The following MSH5 variants were observed in gnomAD, a reference collection of about 807,000 sequenced individuals.
MSH5 encodes the protein mutS homolog 5.
In MSH5, 78 loss-of-function variants were observed where a neutral mutation model predicts 107.7. The ratio of observed to expected loss-of-function variants is 0.72; its 90% CI spans 0.60 to 0.87. The LOEUF (loss-of-function observed/expected upper bound fraction) is 0.87. Among genes scored for constraint, MSH5 ranks in the 40% least tolerant of loss-of-function variants. The pLI is 0.00. For synonymous variants in MSH5, 326 were observed against 399.5 expected (o/e 0.82, Z 2.19); for missense variants, 889 against 1,046.6 (o/e 0.85, Z 2.08).
chr6:31,750,999 A>T lies in MSH5; in HGVS notation c.813-2302A>T, dbSNP rs28399969. Among the ~76,000 whole-genome samples, 1,347 of 152,108 alleles carry T rather than the reference A, an allele frequency of 8.9e-3. 12 individuals carry two copies. Among genetic ancestry groups the T allele is most frequent in the Non-Finnish European group, 0.012 (846 of 67,978 alleles). Reference sequence around the variant, plus strand: ...GACATTTATTTCTGTATATGAATTTATTTTATTTATTTATTTATTTTTTGA... The same window carrying T: ...GACATTTATTTCTGTATATGAATTTTTTTTATTTATTTATTTATTTTTTGA... On this transcript the variant is annotated intron_variant, in intron 10 of 24. Transcript: ENST00000375750.
In MSH5 at chr6:31,742,947, G is replaced by A. The variant is rs779160886; in HGVS notation, c.342G>A (p.Leu114=). 70 of 1,612,876 alleles carry A rather than the reference G, an allele frequency of 4.3e-5. No individual in the cohort carries two copies. Among genetic ancestry groups the A allele is most frequent in the Admixed American group, 3.0e-4 (18 of 59,982 alleles). Residue 114 remains leucine, a synonymous_variant, in exon 4 of 25, where the codon CTG becomes CTA. Coordinates refer to ENST00000375750, the MANE Select transcript of MSH5 (RefSeq NM_172166.4). ...AKQDENMTRF[L]GKLASQEHRE... Reference sequence around the variant, plus strand: ...AGGATGAGAATATGACTCGATTTCTGGGAAAGCTTGGTAAGGACTTGGTAA... The same window carrying A: ...AGGATGAGAATATGACTCGATTTCTAGGAAAGCTTGGTAAGGACTTGGTAA...
intron 3 of MSH5, 50 bp downstream of exon 3, chr6:31,741,336 TACACACACACACACACAC>T (rs9279401): frequency 0.016 from 14,716 of 896,134 alleles, 330 homozygotes; most frequent in South Asian, 0.078. Context: ...GCAGATGTGT[TACACACACACACACACAC>T]ACACACACAC....
At position 31,759,611 on chromosome 6, in the gene MSH5, G is replaced by T; in HGVS notation, c.1495+99G>T. The T allele has an allele frequency of 7.2e-7, 1 of 1,389,890 alleles. No individual in the cohort carries two copies. Among genetic ancestry groups the T allele is most frequent in the Non-Finnish European group, 1.0e-6 (1 of 993,494 alleles). 86.1% of individuals were successfully genotyped at this position (1,389,890 alleles called of 1,614,324 possible). A position where few individuals can be genotyped will look rare whatever the true frequency, so the allele number is the denominator to read the frequency against. ...GGGCAACTTGGGGATGCTTCCAACA[G>T]GCCCCTCCTCTTCCTGCTCTCTGTC... On this transcript the variant is annotated intron_variant, in intron 17 of 24. Coordinates refer to ENST00000375750, the MANE Select transcript of MSH5 (RefSeq NM_172166.4). The surrounding 1 kb of genome is among the most constrained non-coding windows in gnomAD (Gnocchi z 4.7).
chr6:31,754,758 T>TC (rs1810290636), intron 12 of MSH5, among the ~76,000 whole-genome samples: 3 of 149,986 alleles, frequency 2.0e-5, no homozygotes, highest in African/African-American at 7.3e-5. Flanking sequence ...TTTTTCTTTT[T>TC]TTTTTTTTTT....
rs1808721538 is a variant in MSH5, at chr6:31,740,326, C to CGCCCCTCAGCCCT, written c.-13-122_-13-110dup. On this transcript the variant is annotated intron_variant, in intron 1 of 24. Transcript: ENST00000375750. This position sits in a 1 kb window ranked among gnomAD's most constrained non-coding sequence, Gnocchi z 4.4. ...CACCTCCTGTGTCCACAGCTCTCCA[C>CGCCCCTCAGCCCT]GCCCCTCAGCCCTGCCCCGCAGCCC... 1 of 928,836 alleles carries CGCCCCTCAGCCCT rather than the reference C, an allele frequency of 1.1e-6. No individual in the cohort carries two copies. Among genetic ancestry groups the CGCCCCTCAGCCCT allele is most frequent in the Non-Finnish European group, 1.6e-6 (1 of 639,364 alleles). The allele number at this position is 928,836 out of a possible 1,614,324, so 57.5% of individuals were successfully genotyped here.
Position 31,743,136 on chromosome 6 carries a change from A to T in MSH5, c.381A>T (p.Arg127Ser). 1 of 1,612,854 alleles carries T rather than the reference A, an allele frequency of 6.2e-7. No homozygotes were observed. Among genetic ancestry groups the T allele is most frequent in the Non-Finnish European group, 8.5e-7 (1 of 1,179,964 alleles). Residue 127 changes from arginine to serine, a missense_variant, in exon 5 of 25, where the codon AGA becomes AGT. Transcript: ENST00000375750. The stretch of plus-strand genomic sequence containing the variant: ...CCCAGGAGCACAGAGAGCCTAAAAG[A>T]CCTGAAATCATATTTTTGCCAAGTG... The part of the protein sequence containing the change: ...LASQEHREPK[R>S]PEIIFLPSVD...
rs1221737327 is a variant in MSH5 at position 31,743,974 on chromosome 6, TGA to T, written c.489_490del (p.Lys164AsnfsTer11). ...TCATCCCAGACGCCATGACTGCCAC[TGA>T]GAAAATCCTCTTCCTCTCTTCCATT... Reference protein sequence around the residue: ...SFIPDAMTATEKILFLSSIIP... With the variant: ...SFIPDAMTATXKILFLSSIIP... On this transcript the variant is annotated frameshift_variant, in exon 6 of 25. Transcript: ENST00000375750. LOFTEE classifies it high-confidence loss of function. 1.9e-6 allele frequency: 3 copies of T among 1,613,976 alleles called. No individual in the cohort carries two copies. The African/African-American group carries it at 4.0e-5, about 22-fold the overall frequency.
chr6:31,740,936 G>C lies in MSH5; in HGVS notation c.148-227G>C, dbSNP rs889593268. On this transcript the variant is annotated intron_variant, in intron 2 of 24. Coordinates refer to ENST00000375750, the MANE Select transcript of MSH5 (RefSeq NM_172166.4). The surrounding 1 kb of genome is among the most constrained non-coding windows in gnomAD (Gnocchi z 4.4). The stretch of plus-strand genomic sequence containing the variant: ...AGATTGCTCCACTGCACTTCAGCCT[G>C]GGCGACAGAGCAAGACTCCGTCTCA... 3.3e-5 allele frequency among the ~76,000 whole-genome samples: 5 copies of C among 151,956 alleles called. No homozygotes were observed. Among genetic ancestry groups the C allele is most frequent in the African/African-American group, 1.2e-4 (5 of 41,354 alleles).
chr6:31,762,561 T>A lies in MSH5; in HGVS notation c.*30T>A. 1 of 1,446,760 alleles carries A rather than the reference T, an allele frequency of 6.9e-7. No homozygotes were observed. The highest frequency in any genetic ancestry group is 1.1e-5 in the South Asian group (1 of 87,016). 89.6% of individuals were successfully genotyped at this position (1,446,760 alleles called of 1,614,324 possible). A position where few individuals can be genotyped will look rare whatever the true frequency, so the allele number is the denominator to read the frequency against. Reference sequence around the variant, plus strand: ...CCTTCCAGTGTCCTCCCCAGCCTCCTGAGACTCCGGTGGGCTGCCATGCCC... The same window carrying A: ...CCTTCCAGTGTCCTCCCCAGCCTCCAGAGACTCCGGTGGGCTGCCATGCCC... On this transcript the variant is annotated 3_prime_UTR_variant, in exon 25 of 25. Coordinates refer to ENST00000375750, the MANE Select transcript of MSH5 (RefSeq NM_172166.4).
chr6:31,741,155 C>T lies in MSH5; in HGVS notation c.148-8C>T, dbSNP rs369401570. 3.0e-5 allele frequency: 49 copies of T among 1,612,668 alleles called. No homozygotes were observed. In the African/African-American group the frequency reaches 5.9e-4, roughly 19 times the overall value. On this transcript the variant is annotated splice_polypyrimidine_tract_variant and splice_region_variant and intron_variant, in intron 2 of 24. Coordinates refer to ENST00000375750, the MANE Select transcript of MSH5 (RefSeq NM_172166.4). ...TAATAGTGATTTCCTTTCTTCCTTGCTGGACAGATCCATCTGTGTGTGCTG... is the reference window on the plus strand; with the variant it reads ...TAATAGTGATTTCCTTTCTTCCTTGTTGGACAGATCCATCTGTGTGTGCTG...
At chr6:31,746,883 C>T (rs1029722769) in intron 9 of MSH5, among the ~76,000 whole-genome samples, 5 of 152,094 alleles carry the variant, frequency 3.3e-5, no homozygotes, top group South Asian at 2.1e-4. Context: ...AGTGCAGTGG[C>T]GCGATCTCCG....
Position 31,740,226 on chromosome 6 carries a change from C to T in MSH5, c.-14+164C>T, listed in dbSNP as rs986817345. On this transcript the variant is annotated intron_variant, in intron 1 of 24. Transcript: ENST00000375750. The surrounding 1 kb of genome is among the most constrained non-coding windows in gnomAD (Gnocchi z 4.4). The stretch of plus-strand genomic sequence containing the variant: ...AGACCCCTTCCTTCCAAAGGGTAAC[C>T]TCCGCGTGACAGGAATGAGGGTGGG... The T allele has an allele frequency of 4.3e-6, 2 of 461,006 alleles. No individual in the cohort carries two copies. The highest frequency in any genetic ancestry group is 2.0e-5 in the African/African-American group (1 of 49,012). 28.6% of individuals were successfully genotyped at this position (461,006 alleles called of 1,614,324 possible). A position where few individuals can be genotyped will look rare whatever the true frequency, so the allele number is the denominator to read the frequency against.
rs1367513592 is a variant in MSH5, at chr6:31,759,209, T to A, written c.1407+32T>A. On this transcript the variant is annotated intron_variant, in intron 16 of 24. Transcript: ENST00000375750. This position sits in a 1 kb window ranked among gnomAD's most constrained non-coding sequence, Gnocchi z 4.7. ...CCCTCAACCTCTGTAAGGTGAGTGA[T>A]GAGGAAAATGAGTCAGCAGCTGAGG... 3.2e-6 allele frequency: 5 copies of A among 1,580,950 alleles called. No homozygotes were observed. Among genetic ancestry groups the A allele is most frequent in the Non-Finnish European group, 4.3e-6 (5 of 1,151,340 alleles).
Position 31,758,082 on chromosome 6 carries a change from CT to C in MSH5, c.1015-80del. 6.4e-7 allele frequency: 1 copy of C among 1,556,976 alleles called. No individual in the cohort carries two copies. The highest frequency in any genetic ancestry group is 8.8e-7 in the Non-Finnish European group (1 of 1,136,406). On this transcript the variant is annotated intron_variant, in intron 12 of 24. Transcript: ENST00000375750. The surrounding 1 kb of genome is among the most constrained non-coding windows in gnomAD (Gnocchi z 5.1). ...TGTTACTGTGATCTTCCCTACTGGT[CT>C]TTGTTCTTCTGAGTCTGTCCCTATC...
At chr6:31,753,670 GC>G in intron 12 of MSH5, 41 bp downstream of exon 12, 1 of 1,583,278 alleles carries the variant, frequency 6.3e-7, no homozygotes, top group East Asian at 2.2e-5. Context: ...CCAGGTAAAG[GC>G]CCTCAGCCTG....
In MSH5 at chr6:31,759,932, C is replaced by T. The variant is rs767511035; in HGVS notation, c.1642C>T (p.Arg548Cys). The part of the protein sequence containing the change: ...AARDYGYSRP[R>C]YSPQVLGVRI... ...CCGGGACTATGGCTACTCAAGGCCG[C>T]GTTACTCCCCACAAGTCCTTGGGGT... is the stretch of plus-strand genomic sequence containing the variant. Residue 548 changes from arginine (R) to cysteine (C), a missense_variant, in exon 18 of 25, where the codon CGT becomes TGT. Transcript: ENST00000375750. This position sits in a 1 kb window ranked among gnomAD's most constrained non-coding sequence, Gnocchi z 4.7. 17 of 1,614,072 alleles carry T rather than the reference C, an allele frequency of 1.1e-5. No homozygotes were observed. Among genetic ancestry groups the T allele is most frequent in the East Asian group, 2.2e-5 (1 of 44,894 alleles).
At chr6:31,743,613 A>G (rs1809119494) in intron 5 of MSH5, 1 of 491,994 alleles carries the variant, frequency 2.0e-6, no homozygotes, top group Non-Finnish European at 3.6e-6. Flanking sequence ...TAGTTCTATT[A>G]ATACCATTAT....
chr6:31,743,903 G>A lies in MSH5; in HGVS notation c.416-1G>A. 1 of 1,612,998 alleles carries A rather than the reference G, an allele frequency of 6.2e-7. No homozygotes were observed. Among genetic ancestry groups the A allele is most frequent in the Non-Finnish European group, 8.5e-7 (1 of 1,179,908 alleles). On this transcript the variant is annotated splice_acceptor_variant, in intron 5 of 24. Transcript: ENST00000375750. LOFTEE classifies it high-confidence loss of function. ...TCCCTTTGCTTGCCTCCCTCAAATA[G>A]GTCTGGAGATAAGCAAACAACGCCT...
rs1254861419 is a variant in MSH5, at chr6:31,760,259, A to C, written c.1812+43A>C. The C allele has an allele frequency of 1.3e-6, 2 of 1,534,036 alleles. No individual in the cohort carries two copies. Among genetic ancestry groups the C allele is most frequent in the East Asian group, 4.5e-5 (2 of 44,196 alleles). On this transcript the variant is annotated intron_variant, in intron 19 of 24. Transcript: ENST00000375750. The surrounding 1 kb of genome is among the most constrained non-coding windows in gnomAD (Gnocchi z 5.6). ...AGCCTGGGCCTCTGGCGTCTCCTGCATCTACTCCACCCCTACTTGCCAGCC... is the reference window on the plus strand; with the variant it reads ...AGCCTGGGCCTCTGGCGTCTCCTGCCTCTACTCCACCCCTACTTGCCAGCC...
Sources: gnomAD v4.1 joint callset for allele counts (sites outside exome capture counted in the v4.1 genomes callset) on GRCh38, gnomAD v4.1.1 for gene constraint, Gnocchi (gnomAD v3.1) non-coding constraint, MANE v1.5 for transcripts, NCBI Gene and HGNC (gene_info 2026-07-23, HGNC 2026-07-21) for gene names.